Variants in COL26A1 observed in about 807,000 individuals in gnomAD.
COL26A1 encodes the protein collagen alpha-1(XXVI) chain.
In COL26A1, 41 loss-of-function variants were observed where a neutral mutation model predicts 59.3. The ratio of observed to expected loss-of-function variants is 0.69; its 90% CI spans 0.54 to 0.90. The LOEUF (loss-of-function observed/expected upper bound fraction) is 0.90, where lower values mean the gene tolerates loss of function less well. COL26A1 is among the 40% of genes least tolerant of loss of function. The pLI is 0.00. For synonymous variants in COL26A1, 266 were observed against 256.0 expected (o/e 1.04, Z -0.37); for missense variants, 612 against 602.3 (o/e 1.02, Z -0.17).
intron 3 of COL26A1, among the ~76,000 whole-genome samples, chr7:101,503,629 G>A (rs776402971): frequency 1.3e-5 from 2 of 152,156 alleles, no homozygotes; most frequent in African/African-American, 2.4e-5. Flanking sequence ...TGATCATCCC[G>A]CCTCAGCCTC....
At chr7:101,497,458 T>C (rs1232814824) in intron 3 of COL26A1, among the ~76,000 whole-genome samples, 1 of 152,072 alleles carries the variant, frequency 6.6e-6, no homozygotes, top group Admixed American at 6.6e-5. Flanking sequence ...GTAGATTCCT[T>C]GAGCCCAGGA....
Position 101,483,678 on chromosome 7 carries a change from TG to T in COL26A1, c.385+35892del, listed in dbSNP as rs756970656. On this transcript the variant is annotated intron_variant, in intron 3 of 12. Transcript: ENST00000313669. Reference sequence around the variant, plus strand: ...GCATGCCACCATGTCCAGCTAACTTTGTTTTTTTTTTGAGACAGTGTCTCTC... The same window carrying T: ...GCATGCCACCATGTCCAGCTAACTTTTTTTTTTTTTGAGACAGTGTCTCTC... Among the ~76,000 whole-genome samples, 605 of 150,706 alleles carry T rather than the reference TG, an allele frequency of 4.0e-3. 10 individuals carry two copies. Among genetic ancestry groups the T allele is most frequent in the African/African-American group, 0.014 (575 of 40,848 alleles).
chr7:101,536,406 C>G (rs1210524486), intron 4 of COL26A1, among the ~76,000 whole-genome samples: 1 of 152,254 alleles, frequency 6.6e-6, no homozygotes, highest in Non-Finnish European at 1.5e-5. Flanking sequence ...GTTGCCAAGA[C>G]AGCCCAGCGG....
At chr7:101,485,837 A>G (rs1042301530) in intron 3 of COL26A1, among the ~76,000 whole-genome samples, 2 of 152,088 alleles carry the variant, frequency 1.3e-5, no homozygotes, top group African/African-American at 4.8e-5. Context: ...GGATTGTCCC[A>G]TCCTGTCTCT....
At chr7:101,512,434 C>G (rs1417761260) in intron 3 of COL26A1, among the ~76,000 whole-genome samples, 1 of 150,946 alleles carries the variant, frequency 6.6e-6, no homozygotes, top group Non-Finnish European at 1.5e-5. Context: ...GCTTGGGCAA[C>G]ATACTGAGAG....
At chr7:101,464,844 C>T (rs907747503) in intron 3 of COL26A1, among the ~76,000 whole-genome samples, 3 of 151,378 alleles carry the variant, frequency 2.0e-5, no homozygotes, top group South Asian at 2.1e-4. Flanking sequence ...CCTGAGTAGG[C>T]GGGACTACAG....
In COL26A1 at chr7:101,470,375, T is replaced by C. The variant is rs1404871072; in HGVS notation, c.385+22588T>C. On this transcript the variant is annotated intron_variant, in intron 3 of 12. Coordinates refer to ENST00000313669, the MANE Select transcript of COL26A1 (RefSeq NM_001278563.3). Reference sequence around the variant, plus strand: ...TCCCAAAGTGCTGGGATTACAGGCATGAGCCACCACGCCCAGCCCCGGGTA... The same window carrying C: ...TCCCAAAGTGCTGGGATTACAGGCACGAGCCACCACGCCCAGCCCCGGGTA... Among the ~76,000 whole-genome samples, 3 of 152,018 alleles carry C rather than the reference T, an allele frequency of 2.0e-5. No homozygotes were observed. In the East Asian group the frequency reaches 5.8e-4, roughly 29 times the overall value.
intron 3 of COL26A1, among the ~76,000 whole-genome samples, chr7:101,460,788 A>G (rs111773959): frequency 1.1e-5 from 1 of 92,918 alleles, no homozygotes; most frequent in African/African-American, 4.5e-5. Context: ...CTCAGGAAGA[A>G]AAAAAAAAAA....
intron 12 of COL26A1, 142 bp from the exon 13 acceptor site, chr7:101,557,228 C>A: frequency 2.8e-6 from 2 of 707,474 alleles, no homozygotes; most frequent in African/African-American, 1.8e-5. Flanking sequence ...TGAATGAATG[C>A]ATAAGGGGCT....
intron 3 of COL26A1, among the ~76,000 whole-genome samples, chr7:101,472,032 TCTTA>T (rs1360038657): frequency 1.3e-5 from 2 of 152,050 alleles, no homozygotes; most frequent in African/African-American, 4.8e-5. Context: ...TGAGACAGGA[TCTTA>T]CTTTGTCACC....
chr7:101,475,618 T>C (rs1794012946), intron 3 of COL26A1, among the ~76,000 whole-genome samples: 1 of 151,860 alleles, frequency 6.6e-6, no homozygotes, highest in Admixed American at 6.6e-5. Context: ...GTGTGTTCGA[T>C]GTGTGTGTGC....
chr7:101,410,877 A>T (rs1041151975), intron 1 of COL26A1, among the ~76,000 whole-genome samples: 5 of 148,188 alleles, frequency 3.4e-5, no homozygotes, highest in African/African-American at 1.0e-4. Context: ...TTTTTTTCTA[A>T]TTTTTTTTTG....
intron 3 of COL26A1, among the ~76,000 whole-genome samples, chr7:101,464,849 C>T (rs555158538): frequency 1.3e-5 from 2 of 151,878 alleles, no homozygotes; most frequent in East Asian, 1.9e-4. Context: ...GTAGGCGGGA[C>T]TACAGGTACA....
rs1563008121 is a variant in COL26A1 at position 101,489,825 on chromosome 7, T to TCC, written c.385+42039_385+42040insCC. Among the ~76,000 whole-genome samples the TCC allele has an allele frequency of 2.0e-3, 20 of 9,784 alleles. 3 individuals carry two copies. Among genetic ancestry groups the TCC allele is most frequent in the Non-Finnish European group, 2.9e-3 (18 of 6,116 alleles). The allele number at this position is 9,784 out of a possible 152,430, so 6.4% of individuals were successfully genotyped here. A position where few individuals can be genotyped will look rare whatever the true frequency, so the allele number is the denominator to read the frequency against. On this transcript the variant is annotated intron_variant, in intron 3 of 12. Coordinates refer to ENST00000313669, the MANE Select transcript of COL26A1 (RefSeq NM_001278563.3). ...TTCTTTCTTTCTTTCTTTCTTTCTT[T>TCC]CTTTCTTTCTTTCTTTCTTTCTTTC...
At chr7:101,551,059 A>T in intron 9 of COL26A1, 49 bp from the exon 10 acceptor site, 3 of 1,547,640 alleles carry the variant, frequency 1.9e-6, no homozygotes, top group Admixed American at 2.0e-5. Context: ...GGCACTGGAG[A>T]CTTGGCCAGG....
At chr7:101,539,166 C>T (rs1795548654) in intron 4 of COL26A1, among the ~76,000 whole-genome samples, 1 of 152,174 alleles carries the variant, frequency 6.6e-6, no homozygotes, top group African/African-American at 2.4e-5. Context: ...CCCAAGCAAT[C>T]GTGGCCACTT....
chr7:101,503,747 C>G (rs1003610720), intron 3 of COL26A1, among the ~76,000 whole-genome samples: 1 of 152,190 alleles, frequency 6.6e-6, no homozygotes, highest in African/African-American at 2.4e-5. Context: ...CACAAGATTG[C>G]CTCAAGGGAA....
intron 1 of COL26A1, among the ~76,000 whole-genome samples, chr7:101,415,401 G>A (rs1409238999): frequency 1.3e-5 from 2 of 152,090 alleles, no homozygotes; most frequent in African/African-American, 2.4e-5. Context: ...TGATCTACCC[G>A]CCTTGGTTTC....
intron 4 of COL26A1, 63 bp downstream of exon 4, chr7:101,533,206 G>C: frequency 8.0e-7 from 1 of 1,252,838 alleles, no homozygotes; most frequent in Non-Finnish European, 1.1e-6. Context: ...GGTGGAGGGA[G>C]GCATCAGGCA....
Sources: gnomAD v4.1 joint callset for allele counts (sites outside exome capture counted in the v4.1 genomes callset) on GRCh38, gnomAD v4.1.1 for gene constraint, MANE v1.5 for transcripts, NCBI Gene and HGNC (gene_info 2026-07-23, HGNC 2026-07-21) for gene names.